Variants in LMX1A observed in about 807,000 individuals in gnomAD.
LMX1A encodes the protein LIM homeobox transcription factor 1 alpha.
In LMX1A, 15 loss-of-function variants were observed where a neutral mutation model predicts 49.1. The observed-to-expected ratio is 0.31, with a 90% CI of 0.20 to 0.47. The LOEUF (loss-of-function observed/expected upper bound fraction) is 0.47, where lower values mean the gene tolerates loss of function less well. LMX1A is among the 20% of genes least tolerant of loss of function. LMX1A has a pLI of 1.00. For synonymous variants in LMX1A, 167 were observed against 185.7 expected (o/e 0.90, Z 0.82); for missense variants, 372 against 475.8 (o/e 0.78, Z 2.03).
At chr1:165,313,822 G>C (rs1018589995) in intron 3 of LMX1A, among the ~76,000 whole-genome samples, 5 of 152,136 alleles carry the variant, frequency 3.3e-5, no homozygotes, top group African/African-American at 1.2e-4. Context: ...GAAAGCTAAG[G>C]TATTTTTAAG....
intron 3 of LMX1A, among the ~76,000 whole-genome samples, chr1:165,290,784 A>C (rs997656750): frequency 2.0e-5 from 3 of 152,012 alleles, no homozygotes; most frequent in African/African-American, 7.3e-5. Context: ...CGGACCACCA[A>C]CATCACCGGA....
intron 4 of LMX1A, among the ~76,000 whole-genome samples, chr1:165,246,775 A>G (rs1479743368): frequency 6.6e-6 from 1 of 152,182 alleles, no homozygotes; most frequent in Non-Finnish European, 1.5e-5. Context: ...TTCATTTGAT[A>G]TGGTTTTGGG....
At chr1:165,255,771 C>T (rs532308445) in intron 3 of LMX1A, among the ~76,000 whole-genome samples, 1 of 152,012 alleles carries the variant, frequency 6.6e-6, no homozygotes, top group Non-Finnish European at 1.5e-5. Context: ...GTCGGGAGGT[C>T]GAGACCAGCC....
rs143123376 is a variant in LMX1A, at chr1:165,262,644, A to G, written c.264-13004T>C. 1.7e-3 allele frequency among the ~76,000 whole-genome samples: 253 copies of G among 152,282 alleles called. 2 individuals carry two copies. The highest frequency in any genetic ancestry group is 5.6e-3 in the African/African-American group (232 of 41,558). The stretch of plus-strand genomic sequence containing the variant: ...CTATCAAGGGCTAACTCTTCCACTT[A>G]GGTGCTAAACTTTGTCACTTCATGC... On this transcript the variant is annotated intron_variant, in intron 3 of 8. Transcript: ENST00000342310.
At chr1:165,351,867 C>G (rs1017240052) in intron 3 of LMX1A, among the ~76,000 whole-genome samples, 1 of 152,266 alleles carries the variant, frequency 6.6e-6, no homozygotes, top group African/African-American at 2.4e-5. Context: ...GCCCCTCTCA[C>G]TGTGTTTTTA....
intron 4 of LMX1A, among the ~76,000 whole-genome samples, chr1:165,228,080 T>C (rs1418091591): frequency 6.6e-6 from 1 of 152,130 alleles, no homozygotes; most frequent in African/African-American, 2.4e-5. Context: ...AGAAGATATA[T>C]CAAAAAAGTA....
intron 8 of LMX1A, among the ~76,000 whole-genome samples, chr1:165,204,539 GT>G (rs1650990585): frequency 6.6e-6 from 1 of 152,208 alleles, no homozygotes; most frequent in Non-Finnish European, 1.5e-5. Context: ...GGAAGGTTAG[GT>G]GCCTACCTTC....
intron 3 of LMX1A, among the ~76,000 whole-genome samples, chr1:165,270,877 T>C (rs902885747): frequency 6.6e-6 from 1 of 152,216 alleles, no homozygotes; most frequent in African/African-American, 2.4e-5. Flanking sequence ...TTCTCAGGAA[T>C]GACTTCTCCT....
chr1:165,310,887 C>T (rs1249124148), intron 3 of LMX1A, among the ~76,000 whole-genome samples: 5 of 152,142 alleles, frequency 3.3e-5, no homozygotes, highest in Non-Finnish European at 5.9e-5. Flanking sequence ...TTATGATTCC[C>T]GGAATAATCT....
chr1:165,252,116 A>G (rs116493962), intron 3 of LMX1A, among the ~76,000 whole-genome samples: 3,169 of 152,272 alleles, frequency 0.021, 108 homozygotes, highest in African/African-American at 0.071. Flanking sequence ...ACTTTTCCCA[A>G]GTTTATAACT....
intron 3 of LMX1A, among the ~76,000 whole-genome samples, chr1:165,273,829 C>T (rs1653879526): frequency 6.6e-6 from 1 of 152,278 alleles, no homozygotes; most frequent in South Asian, 2.1e-4. Context: ...TGCAAGAGGA[C>T]ATTTAATGAA....
chr1:165,310,289 T>C (rs1382598881), intron 3 of LMX1A, among the ~76,000 whole-genome samples: 1 of 152,236 alleles, frequency 6.6e-6, no homozygotes, highest in Non-Finnish European at 1.5e-5. Flanking sequence ...CCTAACTTTC[T>C]GTACCTTCCC....
intron 3 of LMX1A, among the ~76,000 whole-genome samples, chr1:165,257,259 C>T (rs189998161): frequency 8.8e-4 from 134 of 152,044 alleles, no homozygotes; most frequent in African/African-American, 3.1e-3. Context: ...ACTCATGGGT[C>T]CTGTTTTGTA....
intron 3 of LMX1A, among the ~76,000 whole-genome samples, chr1:165,314,315 A>C (rs1655159305): frequency 6.6e-6 from 1 of 152,202 alleles, no homozygotes; most frequent in African/African-American, 2.4e-5. Flanking sequence ...GCCTCTATGA[A>C]TGCAGCATCC....
chr1:165,238,172 G>T (rs1025470362), intron 4 of LMX1A, among the ~76,000 whole-genome samples: 3 of 152,196 alleles, frequency 2.0e-5, no homozygotes, highest in African/African-American at 7.2e-5. Flanking sequence ...GAGTACAATT[G>T]TAAAAGATGG....
chr1:165,255,137 C>A (rs1653191858), intron 3 of LMX1A, among the ~76,000 whole-genome samples: 1 of 152,162 alleles, frequency 6.6e-6, no homozygotes, highest in African/African-American at 2.4e-5. Flanking sequence ...GCAGCAGACT[C>A]TAAATAAATG....
At chr1:165,288,741 C>T (rs1302719667) in intron 3 of LMX1A, among the ~76,000 whole-genome samples, 1 of 152,212 alleles carries the variant, frequency 6.6e-6, no homozygotes, top group Non-Finnish European at 1.5e-5. Context: ...CACACAGGCT[C>T]AGGCGGCAGC....
chr1:165,212,078 C>T (rs183029831), intron 5 of LMX1A, among the ~76,000 whole-genome samples: 4 of 152,310 alleles, frequency 2.6e-5, no homozygotes, highest in Admixed American at 2.6e-4. Flanking sequence ...CTACTGATAC[C>T]TCTCTTGGAG....
intron 3 of LMX1A, among the ~76,000 whole-genome samples, chr1:165,301,297 T>A (rs1654767483): frequency 6.6e-6 from 1 of 152,286 alleles, no homozygotes; most frequent in Admixed American, 6.5e-5. Context: ...GAATACCTGA[T>A]TGCAGAGCCC....
Sources: allele counts gnomAD v4.1 joint callset (sites outside exome capture counted in the v4.1 genomes callset), GRCh38; gene constraint gnomAD v4.1.1; transcripts MANE v1.5; gene names NCBI Gene and HGNC (gene_info 2026-07-23, HGNC 2026-07-21).